The following CHD6 variants were observed in gnomAD, a reference collection of about 807,000 sequenced individuals.
The protein encoded by CHD6 is ATP-dependent chromatin remodeler CHD6.
Under a neutral mutation model 276.9 loss-of-function variants are expected in CHD6, and 50 were observed. The observed-to-expected ratio is 0.18, with a 90% CI of 0.14 to 0.23. The LOEUF is 0.23. Among genes scored for constraint, CHD6 ranks in the 10% least tolerant of loss-of-function variants. CHD6 has a pLI of 1.00. For synonymous variants in CHD6, 1,173 were observed against 1,229.3 expected (o/e 0.95, Z 0.96); for missense variants, 2,564 against 3,365.8 (o/e 0.76, Z 5.89).
At chr20:41,614,620 A>C (rs923789970) in intron 1 of CHD6, 4 of 152,234 alleles carry the variant, frequency 2.6e-5, no homozygotes, top group African/African-American at 9.6e-5. Flanking sequence ...ACAGGCAAAA[A>C]CAAACATTTT....
intron 1 of CHD6, among the ~76,000 whole-genome samples, chr20:41,583,089 A>G (rs917618626): frequency 2.0e-5 from 3 of 152,088 alleles, no homozygotes; most frequent in Non-Finnish European, 2.9e-5. Flanking sequence ...GCAGGGGGGA[A>G]AAAAAGGCTA....
chr20:41,600,134 C>G (rs2045759071), intron 1 of CHD6, among the ~76,000 whole-genome samples: 1 of 152,194 alleles, frequency 6.6e-6, no homozygotes, highest in Non-Finnish European at 1.5e-5. Flanking sequence ...CTTCAATACA[C>G]TGAAAAGTCC....
intron 2 of CHD6, among the ~76,000 whole-genome samples, chr20:41,534,923 G>A (rs1368835744): frequency 6.6e-6 from 1 of 152,160 alleles, no homozygotes; most frequent in East Asian, 1.9e-4. Flanking sequence ...AGGTATCCAG[G>A]TAAAGCTTGG....
intron 1 of CHD6, chr20:41,564,073 T>C (rs1187050529): frequency 1.3e-6 from 1 of 779,492 alleles, no homozygotes; most frequent in Admixed American, 1.7e-5. Context: ...TTTGGGCAAC[T>C]TATTTGATCT....
intron 1 of CHD6, among the ~76,000 whole-genome samples, chr20:41,584,875 C>T (rs2146244090): frequency 6.6e-6 from 1 of 152,182 alleles, no homozygotes; most frequent in Non-Finnish European, 1.5e-5. Context: ...ATCAATTAAA[C>T]TTCCACCTAA....
At chr20:41,422,178 T>G in intron 30 of CHD6, 99 bp from the exon 31 acceptor site, 2 of 1,264,412 alleles carry the variant, frequency 1.6e-6, no homozygotes, top group Non-Finnish European at 2.2e-6. Flanking sequence ...TTTAGCTCCC[T>G]GGCTCCTCAG....
chr20:41,449,677 C>T (rs900756984), intron 23 of CHD6, among the ~76,000 whole-genome samples: 1 of 152,136 alleles, frequency 6.6e-6, no homozygotes, highest in African/African-American at 2.4e-5. Context: ...GCGACATATC[C>T]TTTTTTCTTT....
intron 1 of CHD6, among the ~76,000 whole-genome samples, chr20:41,555,850 G>T (rs1157808815): frequency 6.6e-6 from 1 of 150,630 alleles, no homozygotes; most frequent in African/African-American, 2.4e-5. Flanking sequence ...CAGACGGGGT[G>T]GCGGCTGGGC....
intron 27 of CHD6, among the ~76,000 whole-genome samples, chr20:41,436,916 T>A (rs2047726657): frequency 6.6e-6 from 1 of 152,174 alleles, no homozygotes; most frequent in Non-Finnish European, 1.5e-5. Context: ...TGAATCTTTG[T>A]GGTCATGAGA....
intron 24 of CHD6, 119 bp from the exon 25 acceptor site, chr20:41,445,887 G>A: frequency 1.6e-6 from 1 of 626,402 alleles, no homozygotes; most frequent in Non-Finnish European, 2.9e-6. Context: ...AAAAGGGTTA[G>A]GAAGGCTGTG....
chr20:41,430,414 T>C (rs1478082888), intron 27 of CHD6, among the ~76,000 whole-genome samples: 1 of 152,230 alleles, frequency 6.6e-6, no homozygotes, highest in Non-Finnish European at 1.5e-5. Context: ...TAGCTAAGCA[T>C]GTCCAGTTTA....
rs1263743370 is a variant in CHD6 at position 41,533,304 on chromosome 20, C to T, written c.300G>A (p.Glu100=). 2.5e-6 allele frequency: 4 copies of T among 1,614,096 alleles called. No homozygotes were observed. The highest frequency in any genetic ancestry group is 2.7e-5 in the African/African-American group (2 of 75,030). ...TTGCTGCACCCTCTTGGTCTCCTGG[C>T]TCCTTTTTCTTCCGTTTCTTCTTCA... ...TGVKKKRKKK[E]PGDQEGAAKG... is the part of the protein sequence containing the mutation. Residue 100 remains glutamate, a synonymous_variant, in exon 3 of 37, where the codon GAG becomes GAA. Transcript: ENST00000373233.
At chr20:41,583,800 G>A (rs1425840962) in intron 1 of CHD6, among the ~76,000 whole-genome samples, 1 of 152,120 alleles carries the variant, frequency 6.6e-6, no homozygotes, top group Non-Finnish European at 1.5e-5. Flanking sequence ...TACTATATGA[G>A]AAGTAGTATA....
intron 4 of CHD6, among the ~76,000 whole-genome samples, chr20:41,514,349 T>A (rs1338023951): frequency 6.6e-6 from 1 of 152,248 alleles, no homozygotes; most frequent in Admixed American, 6.5e-5. Flanking sequence ...CTGGTTTAGA[T>A]GGGCAACTCC....
chr20:41,571,491 A>C (rs1223771348), intron 1 of CHD6, among the ~76,000 whole-genome samples: 1 of 150,744 alleles, frequency 6.6e-6, no homozygotes, highest in Non-Finnish European at 1.5e-5. Flanking sequence ...CTCCCGGTTC[A>C]AGTGATTCTC....
At chr20:41,570,677 T>C (rs1018190622) in intron 1 of CHD6, among the ~76,000 whole-genome samples, 6 of 152,182 alleles carry the variant, frequency 3.9e-5, no homozygotes, top group East Asian at 3.8e-4. Context: ...CCACCAGCTA[T>C]TGAAAGCACA....
chr20:41,567,694 CT>C (rs2045372833), intron 1 of CHD6, among the ~76,000 whole-genome samples: 1 of 152,124 alleles, frequency 6.6e-6, no homozygotes, highest in Admixed American at 6.5e-5. Flanking sequence ...ATGTGAAACT[CT>C]TAACGTGCCT....
intron 1 of CHD6, among the ~76,000 whole-genome samples, chr20:41,553,478 C>T (rs1347247365): frequency 3.9e-5 from 6 of 152,318 alleles, no homozygotes; most frequent in Middle Eastern, 3.4e-3. Context: ...TTCCTTAAAC[C>T]TTTCATAAGC....
chr20:41,406,904 C>T (rs2046693924), intron 36 of CHD6, among the ~76,000 whole-genome samples: 1 of 152,202 alleles, frequency 6.6e-6, no homozygotes, highest in African/African-American at 2.4e-5. Context: ...ACAAAGCCCT[C>T]CCCTGCTGGC....
Sources: gnomAD v4.1 joint callset for allele counts (sites outside exome capture counted in the v4.1 genomes callset) on GRCh38, gnomAD v4.1.1 for gene constraint, MANE v1.5 for transcripts, NCBI Gene and HGNC (gene_info 2026-07-23, HGNC 2026-07-21) for gene names.